The following CKAP2 variants were observed in gnomAD, a reference collection of about 807,000 sequenced individuals.
CKAP2 encodes the protein cytoskeleton associated protein 2.
In CKAP2, 46 loss-of-function variants were observed where a neutral mutation model predicts 58.4. The ratio of observed to expected loss-of-function variants is 0.79; its 90% CI spans 0.62 to 1.01. The LOEUF (loss-of-function observed/expected upper bound fraction) is 1.01, where lower values mean the gene tolerates loss of function less well. Ranked by LOEUF, CKAP2 falls within the 50% of genes least tolerant of loss-of-function variation. CKAP2 has a pLI of 0.00. For missense variants in CKAP2, 809 were observed against 796.4 expected (o/e 1.02, Z -0.19); for synonymous variants, 293 against 280.9 (o/e 1.04, Z -0.43).
chr13:52,455,877 T>G, intron 1 of CKAP2: 1 of 986,044 alleles, frequency 1.0e-6, no homozygotes, highest in Non-Finnish European at 1.3e-6. Context: ...AAGGAATCCG[T>G]TAGGCGAGGG....
In CKAP2 at chr13:52,476,467, CTT is replaced by C. The variant is rs1401628118; in HGVS notation, c.*1327_*1328del. ...AAGATTTGACTTGAGGTTTTTGACA[CTT>C]AAGTACATGCTTAATGATATATTTT... On this transcript the variant is annotated 3_prime_UTR_variant, in exon 9 of 9. Transcript: ENST00000258607. The C allele has an allele frequency of 6.6e-6, 1 of 152,164 alleles. No individual in the cohort carries two copies. Among genetic ancestry groups the C allele is most frequent in the Non-Finnish European group, 1.5e-5 (1 of 68,026 alleles). The allele number at this position is 152,164 out of a possible 1,614,324, so 9.4% of individuals were successfully genotyped here. A position where few individuals can be genotyped will look rare whatever the true frequency, so the allele number is the denominator to read the frequency against.
Position 52,474,060 on chromosome 13 carries a change from T to C in CKAP2, c.1778T>C (p.Val593Ala), listed in dbSNP as rs1020209104. Reference protein sequence around the residue: ...TRTSCLIKYNVSTTPYLQSVK... With the variant: ...TRTSCLIKYNASTTPYLQSVK... Reference sequence around the variant, plus strand: ...ACAAGTTGCTTAATTAAATATAATGTGTCTACTACGCCATACTTGCAAAGG... The same window carrying C: ...ACAAGTTGCTTAATTAAATATAATGCGTCTACTACGCCATACTTGCAAAGG... The change falls in exon 8 of 9, where the codon GTG (valine) becomes GCG (alanine). Residue 593 changes from valine to alanine, a missense_variant. By Grantham distance (64) the Val-to-Ala change is moderately conservative (BLOSUM62 0). Transcript: ENST00000258607. 1 of 1,613,488 alleles carries C rather than the reference T, an allele frequency of 6.2e-7. No homozygotes were observed.
At position 52,465,412 on chromosome 13, in the gene CKAP2, C is replaced by T. The variant is rs143514154; in HGVS notation, c.1423C>T (p.Pro475Ser). 14,624 of 1,613,376 alleles carry T rather than the reference C, an allele frequency of 9.1e-3. 82 individuals are homozygous for T. The highest frequency in any genetic ancestry group is 0.011 in the Non-Finnish European group (12,819 of 1,179,522). Reference protein sequence around the residue: ...CLALIEPITSPIENIIAIYEK... With the variant: ...CLALIEPITSSIENIIAIYEK... ...TGCACTTATTGAACCAATCACAAGT[C>T]CTATTGAAAATATTATTGCAATCTA... Residue 475 changes from proline (P) to serine (S), a missense_variant, in exon 6 of 9, where the codon CCT becomes TCT. By Grantham distance (74) the Pro-to-Ser change is moderately conservative. Around this residue, in one of 3 missense-constraint regions of CKAP2, gnomAD observed 283 missense variants for 287.6 expected, o/e 0.98. Transcript: ENST00000258607.
At chr13:52,469,229 A>G (rs1355478225) in intron 7 of CKAP2, among the ~76,000 whole-genome samples, 2 of 152,210 alleles carry the variant, frequency 1.3e-5, no homozygotes, top group African/African-American at 2.4e-5. Flanking sequence ...TATGTAGTAT[A>G]AAGAATTTTT....
rs766079265 is a variant in CKAP2 at position 52,461,576 on chromosome 13, A to G, written c.750A>G (p.Gln250=). Residue 250 remains glutamine (Q), a synonymous_variant, in exon 4 of 9, where the codon CAA becomes CAG. Coordinates refer to ENST00000258607, the MANE Select transcript of CKAP2 (RefSeq NM_018204.5). The part of the protein sequence containing the change: ...KFVSTTSQNT[Q]LVRPPIRSHH... ...TGAGCACTACATCTCAGAACACACA[A>G]CTTGTGCGACCTCCTATTAGAAGTC... 6.2e-7 allele frequency: 1 copy of G among 1,614,056 alleles called. No homozygotes were observed. Among genetic ancestry groups the G allele is most frequent in the Non-Finnish European group, 8.5e-7 (1 of 1,180,040 alleles).
chr13:52,469,216 C>G (rs1310153670), intron 7 of CKAP2, among the ~76,000 whole-genome samples: 4 of 152,156 alleles, frequency 2.6e-5, no homozygotes, highest in African/African-American at 9.7e-5. Flanking sequence ...GATAAAGTGG[C>G]TTTATGTAGT....
At chr13:52,464,553 C>CAAAAA (rs66481844) in intron 5 of CKAP2, among the ~76,000 whole-genome samples, 9 of 80,102 alleles carry the variant, frequency 1.1e-4, no homozygotes, top group Admixed American at 1.4e-4. Flanking sequence ...AACTCCGTCT[C>CAAAAA]AAAAAAAAAA....
Position 52,456,791 on chromosome 13 carries a change from G to C in CKAP2, c.155+184G>C, listed in dbSNP as rs115069387. Among the ~76,000 whole-genome samples, 1,128 of 152,236 alleles carry C rather than the reference G, an allele frequency of 7.4e-3. 6 individuals carry two copies. Among genetic ancestry groups the C allele is most frequent in the African/African-American group, 0.017 (704 of 41,536 alleles). ...TTTAAAATCTGGTGTCTATTTTACAGTTACAGGACATTTCCATTTGGTCTA... is the reference window on the plus strand; with the variant it reads ...TTTAAAATCTGGTGTCTATTTTACACTTACAGGACATTTCCATTTGGTCTA... On this transcript the variant is annotated intron_variant, in intron 2 of 8. Coordinates refer to ENST00000258607, the MANE Select transcript of CKAP2 (RefSeq NM_018204.5).
At chr13:52,456,205 G>A in intron 1 of CKAP2, 2 of 1,059,230 alleles carry the variant, frequency 1.9e-6, no homozygotes, top group Non-Finnish European at 2.3e-6. Flanking sequence ...CGAGTCTAGT[G>A]CCTCACTTCT....
intron 2 of CKAP2, among the ~76,000 whole-genome samples, chr13:52,459,337 T>C (rs780417667): frequency 4.6e-5 from 7 of 152,118 alleles, no homozygotes; most frequent in African/African-American, 7.2e-5. Context: ...TGTTTTGTTT[T>C]TTTGAGACGG....
chr13:52,456,954 G>A (rs187310147), intron 2 of CKAP2, among the ~76,000 whole-genome samples: 376 of 151,940 alleles, frequency 2.5e-3, no homozygotes, highest in African/African-American at 7.2e-3. Context: ...GTGCAGTAGC[G>A]TGATCTTGGC....
In CKAP2 at chr13:52,468,316, A is replaced by G. The variant is rs138633500; in HGVS notation, c.1515A>G (p.Leu505=). The part of the protein sequence containing the change: ...EEMRHTIVDI[L]TMKSQEKANL... ...TGCGACACACGATTGTAGATATTCT[A>G]ACAATGAAGAGTCAAGAAAAAGCTA... The change falls in exon 7 of 9, where the codon CTA becomes CTG. Residue 505 remains leucine (L), a synonymous_variant. Coordinates refer to ENST00000258607, the MANE Select transcript of CKAP2 (RefSeq NM_018204.5). 1.6e-4 allele frequency: 250 copies of G among 1,602,156 alleles called. 2 individuals carry two copies. In the African/African-American group the frequency reaches 3.0e-3, roughly 19 times the overall value.
At chr13:52,467,121 T>A (rs1424297452) in intron 6 of CKAP2, among the ~76,000 whole-genome samples, 1 of 145,514 alleles carries the variant, frequency 6.9e-6, no homozygotes, top group African/African-American at 2.6e-5. Flanking sequence ...AAAAAAAAAA[T>A]TAGCCAAGAA....
In CKAP2 at chr13:52,476,133, A is replaced by G. The variant is rs1395641072; in HGVS notation, c.*992A>G. 1 of 152,250 alleles carries G rather than the reference A, an allele frequency of 6.6e-6. No individual in the cohort carries two copies. Among genetic ancestry groups the G allele is most frequent in the Non-Finnish European group, 1.5e-5 (1 of 68,040 alleles). 9.4% of individuals were successfully genotyped at this position (152,250 alleles called of 1,614,324 possible). On this transcript the variant is annotated 3_prime_UTR_variant, in exon 9 of 9. Coordinates refer to ENST00000258607, the MANE Select transcript of CKAP2 (RefSeq NM_018204.5). ...AGTTGTTTTGTAAGGTTCCAAACTA[A>G]TATGGCATATATCAACTCTACAGTT...
In CKAP2 at chr13:52,461,865, G is replaced by T. The variant is rs1381109053; in HGVS notation, c.1039G>T (p.Ala347Ser). Residue 347 changes from alanine (A) to serine (S), a missense_variant, in exon 4 of 9, where the codon GCA becomes TCA. Physicochemically the swap from Ala to Ser is moderately conservative, Grantham distance 99. Coordinates refer to ENST00000258607, the MANE Select transcript of CKAP2 (RefSeq NM_018204.5). ...SEPVDQRRHT[A>S]GKAIVDSRSA... ...GCCCGTTGACCAGCGAAGACATACT[G>T]CAGGAAAAGCAATTGTTGATAGTAG... 5 of 1,614,030 alleles carry T rather than the reference G, an allele frequency of 3.1e-6. No individual in the cohort carries two copies. Among genetic ancestry groups the T allele is most frequent in the Non-Finnish European group, 4.2e-6 (5 of 1,179,972 alleles).
chr13:52,474,895 T>G lies in CKAP2; in HGVS notation c.1803T>G (p.Ser601Arg), dbSNP rs1386538134. Residue 601 changes from serine (S) to arginine (R), a missense_variant and splice_region_variant, in exon 9 of 9, where the codon AGT becomes AGG. By Grantham distance (110) the Ser-to-Arg change is moderately radical. Around this residue, in one of 3 missense-constraint regions of CKAP2, gnomAD observed 283 missense variants for 287.6 expected, o/e 0.98. Transcript: ENST00000258607. ...YNVSTTPYLQ[S>R]VKKKVQFDGT... is the part of the protein sequence containing the mutation. ...TCTGGAATATTGTTTTAATTTTCAGTGTGAAAAAAAAGGTGCAGTTTGATG... is the reference window on the plus strand; with the variant it reads ...TCTGGAATATTGTTTTAATTTTCAGGGTGAAAAAAAAGGTGCAGTTTGATG... 1 of 1,606,522 alleles carries G rather than the reference T, an allele frequency of 6.2e-7. No homozygotes were observed. Among genetic ancestry groups the G allele is most frequent in the East Asian group, 2.2e-5 (1 of 44,690 alleles).
At position 52,461,145 on chromosome 13, in the gene CKAP2, G is replaced by C; in HGVS notation, c.319G>C (p.Glu107Gln). ...TTGTATTCCTTTAAAACCTTCAAATGAACTAACCAATTCAACTGTAGTAAT... is the reference window on the plus strand; with the variant it reads ...TTGTATTCCTTTAAAACCTTCAAATCAACTAACCAATTCAACTGTAGTAAT... The part of the protein sequence containing the change: ...KHCIPLKPSN[E>Q]LTNSTVVIDT... Residue 107 changes from glutamate (E) to glutamine (Q), a missense_variant, in exon 4 of 9, where the codon GAA becomes CAA. Transcript: ENST00000258607. The C allele has an allele frequency of 6.2e-7, 1 of 1,613,352 alleles. No individual in the cohort carries two copies. The highest frequency in any genetic ancestry group is 8.5e-7 in the Non-Finnish European group (1 of 1,179,846).
chr13:52,465,405 C>G lies in CKAP2; in HGVS notation c.1416C>G (p.Ile472Met). 4.3e-6 allele frequency: 7 copies of G among 1,613,418 alleles called. No individual in the cohort carries two copies. The highest frequency in any genetic ancestry group is 5.9e-6 in the Non-Finnish European group (7 of 1,179,564). The change falls in exon 6 of 9, where the codon ATC (isoleucine) becomes ATG (methionine). Residue 472 changes from isoleucine to methionine, a missense_variant. By Grantham distance (10) the Ile-to-Met change is conservative. Around this residue, in one of 3 missense-constraint regions of CKAP2, gnomAD observed 283 missense variants for 287.6 expected, o/e 0.98. Coordinates refer to ENST00000258607, the MANE Select transcript of CKAP2 (RefSeq NM_018204.5). Reference protein sequence around the residue: ...YWICLALIEPITSPIENIIAI... With the variant: ...YWICLALIEPMTSPIENIIAI... ...TATGTCTTGCACTTATTGAACCAAT[C>G]ACAAGTCCTATTGAAAATATTATTG... is the stretch of plus-strand genomic sequence containing the variant.
At chr13:52,474,420 C>A (rs982483940) in intron 8 of CKAP2, among the ~76,000 whole-genome samples, 1 of 152,120 alleles carries the variant, frequency 6.6e-6, no homozygotes, top group Non-Finnish European at 1.5e-5. Flanking sequence ...GCCCAGGAGG[C>A]AGAGGTTGCA....
Sources: gnomAD v4.1 joint callset for allele counts (sites outside exome capture counted in the v4.1 genomes callset) on GRCh38, gnomAD v4.1.1 for gene constraint, gnomAD v4.1.1 regional missense constraint, MANE v1.5 for transcripts, NCBI Gene and HGNC (gene_info 2026-07-23, HGNC 2026-07-21) for gene names.